PTPRT: variants seen among roughly 807,000 people sequenced by gnomAD.
The protein encoded by PTPRT is receptor-type tyrosine-protein phosphatase T.
Under a neutral mutation model 176.8 loss-of-function variants are expected in PTPRT, and 56 were observed. The ratio of observed to expected loss-of-function variants is 0.32; its 90% CI spans 0.26 to 0.40. The LOEUF is 0.40. PTPRT is among the 10% of genes least tolerant of loss of function. The pLI is 1.00. For synonymous variants in PTPRT, 783 were observed against 739.0 expected, an observed-to-expected ratio of 1.06 and a Z score of -0.96; for missense variants, 1,540 against 1,908.2, an observed-to-expected ratio of 0.81 and a Z score of 3.60.
chr20:42,103,661 G>A (rs1986159092), intron 25 of PTPRT, among the ~76,000 whole-genome samples: 1 of 152,128 alleles, frequency 6.6e-6, no homozygotes, highest in Non-Finnish European at 1.5e-5. Context: ...TAGAGACAGG[G>A]TTTCACCATG....
chr20:42,538,716 T>C (rs1052942236), intron 7 of PTPRT, among the ~76,000 whole-genome samples: 1 of 152,178 alleles, frequency 6.6e-6, no homozygotes, highest in African/African-American at 2.4e-5. Context: ...GTGAGTATGT[T>C]GTGCATTAGA....
At chr20:43,038,466 G>A (rs144974231) in intron 1 of PTPRT, among the ~76,000 whole-genome samples, 108 of 152,156 alleles carry the variant, frequency 7.1e-4, no homozygotes, top group African/African-American at 2.3e-3. Flanking sequence ...AATAGCATGC[G>A]AGTTCCTCAA....
chr20:42,139,815 C>T (rs1988540286), intron 18 of PTPRT, among the ~76,000 whole-genome samples: 1 of 152,242 alleles, frequency 6.6e-6, no homozygotes, highest in Non-Finnish European at 1.5e-5. Flanking sequence ...GCAAGCAGCT[C>T]CCTGTGGCAG....
chr20:42,209,171 C>T (rs1023940379), intron 15 of PTPRT, among the ~76,000 whole-genome samples: 1 of 152,174 alleles, frequency 6.6e-6, no homozygotes, highest in African/African-American at 2.4e-5. Context: ...ATTTATAGCA[C>T]TTAATGCCCA....
the PTPRT span, among the ~76,000 whole-genome samples, chr20:42,046,888 TTC>T: frequency 6.6e-6 from 1 of 152,034 alleles, no homozygotes; most frequent in African/African-American, 2.4e-5. Flanking sequence ...GGGATTCAGT[TTC>T]TCTCTGATGT....
chr20:42,270,286 G>T, intron 13 of PTPRT: 1 of 908,322 alleles, frequency 1.1e-6, no homozygotes, highest in Non-Finnish European at 1.7e-6. Context: ...GGGGGTGGGT[G>T]GGTGGGTGGG....
At chr20:42,562,277 T>C (rs114893699) in intron 7 of PTPRT, among the ~76,000 whole-genome samples, 25 of 152,184 alleles carry the variant, frequency 1.6e-4, no homozygotes, top group African/African-American at 5.3e-4. Flanking sequence ...CACACCCCCA[T>C]AGGGAACCAC....
intron 21 of PTPRT, among the ~76,000 whole-genome samples, chr20:42,116,701 G>A (rs1987302258): frequency 6.6e-6 from 1 of 152,138 alleles, no homozygotes; most frequent in South Asian, 2.1e-4. Flanking sequence ...ATGGGGCCAG[G>A]ATGCAAACCC....
intron 1 of PTPRT, among the ~76,000 whole-genome samples, chr20:42,894,318 A>C (rs1443318551): frequency 6.6e-6 from 1 of 152,182 alleles, no homozygotes; most frequent in Non-Finnish European, 1.5e-5. Flanking sequence ...ATCACAATGC[A>C]AGGTCAAAGA....
intron 11 of PTPRT, among the ~76,000 whole-genome samples, chr20:42,327,480 T>C (rs535711225): frequency 1.1e-4 from 16 of 152,210 alleles, no homozygotes; most frequent in African/African-American, 3.4e-4. Flanking sequence ...AGCGTGATGA[T>C]TGTTTTGTGG....
intron 16 of PTPRT, among the ~76,000 whole-genome samples, chr20:42,180,081 C>T (rs1361081470): frequency 3.9e-5 from 6 of 152,186 alleles, no homozygotes; most frequent in Non-Finnish European, 7.4e-5. Context: ...CTCCTTACCC[C>T]AGAAGGCTAG....
At chr20:42,248,546 G>GTT in intron 14 of PTPRT, 141 bp downstream of exon 14, 5 of 1,143,592 alleles carry the variant, frequency 4.4e-6, no homozygotes, top group Non-Finnish European at 6.2e-6. Context: ...AACCACAGCC[G>GTT]GCCCATGTAT....
In PTPRT at chr20:42,164,629, T is replaced by C. The variant is rs528270034; in HGVS notation, c.2492-3087A>G. Among the ~76,000 whole-genome samples, 7 of 142,154 alleles carry C rather than the reference T, an allele frequency of 4.9e-5. No individual in the cohort carries two copies. In the East Asian group the frequency reaches 1.2e-3, roughly 24 times the overall value. The allele number at this position is 142,154 out of a possible 152,430, so 93.3% of individuals were successfully genotyped here. A position where few individuals can be genotyped will look rare whatever the true frequency, so the allele number is the denominator to read the frequency against. On this transcript the variant is annotated intron_variant, in intron 16 of 30. Coordinates refer to ENST00000373187, the MANE Select transcript of PTPRT (RefSeq NM_007050.6). ...ACACTCCATTTCACCAGACGCACTA[T>C]ACTTAATTTTCCATCGTTAGGTTTA... is the stretch of plus-strand genomic sequence containing the variant.
At chr20:42,733,572 G>A (rs1439489042) in intron 6 of PTPRT, among the ~76,000 whole-genome samples, 2 of 152,198 alleles carry the variant, frequency 1.3e-5, no homozygotes, top group African/African-American at 4.8e-5. Context: ...GCTGGCTGGG[G>A]AGCTCATTAG....
chr20:42,857,111 C>T (rs892978356), intron 2 of PTPRT, among the ~76,000 whole-genome samples: 4 of 152,210 alleles, frequency 2.6e-5, no homozygotes, highest in Admixed American at 6.5e-5. Flanking sequence ...GCATTCCCAT[C>T]GGCAATGTAC....
intron 9 of PTPRT, among the ~76,000 whole-genome samples, chr20:42,376,281 C>T (rs543002831): frequency 6.6e-6 from 1 of 152,230 alleles, no homozygotes; most frequent in African/African-American, 2.4e-5. Context: ...GAAATGTCAT[C>T]GGGAAAGAAT....
At chr20:42,721,387 T>C (rs1230983934) in intron 6 of PTPRT, among the ~76,000 whole-genome samples, 1 of 152,108 alleles carries the variant, frequency 6.6e-6, no homozygotes, top group Non-Finnish European at 1.5e-5. Context: ...GATGGGAGGA[T>C]GTGGGTGTCA....
chr20:42,863,540 C>G (rs984896595), intron 2 of PTPRT, among the ~76,000 whole-genome samples: 12 of 152,166 alleles, frequency 7.9e-5, no homozygotes, highest in African/African-American at 2.9e-4. Flanking sequence ...CAAATGCTCA[C>G]GAATTCATGA....
chr20:42,217,109 C>T (rs564833202), intron 15 of PTPRT, among the ~76,000 whole-genome samples: 5 of 152,248 alleles, frequency 3.3e-5, no homozygotes, highest in African/African-American at 1.2e-4. Context: ...CGCAGTGGCT[C>T]ATGCCTGTAA....
Sources: allele counts gnomAD v4.1 joint callset (sites outside exome capture counted in the v4.1 genomes callset), GRCh38; gene constraint gnomAD v4.1.1; transcripts MANE v1.5; gene names NCBI Gene and HGNC (gene_info 2026-07-23, HGNC 2026-07-21).